Variants in TPGS1 observed in about 807,000 individuals in gnomAD.
The protein encoded by TPGS1 is gene trap ROSA b-geo 22.
TPGS1 carries 18 observed loss-of-function variants against 11.9 expected under a neutral mutation model. The observed-to-expected ratio is 1.51, with a 90% CI of 1.04 to 2.24. TPGS1 has a LOEUF of 2.24. Ranked by LOEUF, TPGS1 falls within the 30% of genes most tolerant of loss-of-function variation. TPGS1 has a pLI of 0.00. For missense variants in TPGS1, 500 were observed against 443.0 expected (o/e 1.13, Z -1.16); for synonymous variants, 247 against 218.2 (o/e 1.13, Z -1.16).
chr19:519,384 C>A lies in TPGS1; in HGVS notation c.834C>A (p.Ala278=), dbSNP rs1185103626. 8.2e-7 allele frequency: 1 copy of A among 1,226,584 alleles called. No homozygotes were observed. The highest frequency in any genetic ancestry group is 3.4e-5 in the East Asian group (1 of 29,474). The allele number at this position is 1,226,584 out of a possible 1,614,324, so 76.0% of individuals were successfully genotyped here. ...CCCGCGAGGAGTTTCTGGAGAGGGC[C>A]GCCGCGCTCTTCATCGCGAAGGTCA... is the stretch of plus-strand genomic sequence containing the variant. ...PMTREEFLER[A]AALFIAKVKP... Residue 278 remains alanine (A), a synonymous_variant, in exon 2 of 2, where the codon GCC becomes GCA. Coordinates refer to ENST00000359315, the MANE Select transcript of TPGS1 (RefSeq NM_033513.3).
At chr19:513,037 G>A (rs562707377) in intron 1 of TPGS1, among the ~76,000 whole-genome samples, 1 of 152,326 alleles carries the variant, frequency 6.6e-6, no homozygotes, top group African/African-American at 2.4e-5. Context: ...CCAGAGCCTC[G>A]CAGCAAAGCC....
intron 1 of TPGS1, among the ~76,000 whole-genome samples, chr19:515,697 C>T (rs1442245941): frequency 6.6e-6 from 1 of 151,050 alleles, no homozygotes; most frequent in Non-Finnish European, 1.5e-5. Context: ...GAGATTGTGC[C>T]ACTGCACTCC....
intron 1 of TPGS1, chr19:510,351 C>T (rs1435319828): frequency 9.9e-5 from 15 of 151,192 alleles, no homozygotes; most frequent in African/African-American, 1.5e-4. Context: ...CCAGCCTGGG[C>T]GACAGAGCGA....
intron 1 of TPGS1, among the ~76,000 whole-genome samples, chr19:515,875 A>G (rs1421115094): frequency 6.6e-6 from 1 of 150,664 alleles, no homozygotes; most frequent in Non-Finnish European, 1.5e-5. Flanking sequence ...TACTAAAAAT[A>G]CAAAAAATTA....
At chr19:510,514 TCCTC>T in intron 1 of TPGS1, 1 of 151,434 alleles carries the variant, frequency 6.6e-6, no homozygotes, top group East Asian at 2.0e-4. Context: ...TCACCCCAGA[TCCTC>T]CCTGGCACCT....
intron 1 of TPGS1, among the ~76,000 whole-genome samples, chr19:518,613 C>G (rs1283922375): frequency 4.1e-5 from 1 of 24,108 alleles, no homozygotes; most frequent in African/African-American, 1.9e-4. Flanking sequence ...AGGAGAGGCC[C>G]GGGCTGGGGA....
intron 1 of TPGS1, among the ~76,000 whole-genome samples, chr19:512,288 C>G (rs1333756211): frequency 1.3e-5 from 2 of 152,314 alleles, no homozygotes; most frequent in African/African-American, 4.8e-5. Flanking sequence ...CTCAGCCTCC[C>G]AAGTACCCGG....
chr19:507,859 G>A lies in TPGS1; in HGVS notation c.338+15G>A, dbSNP rs373464594. 564 of 1,313,844 alleles carry A rather than the reference G, an allele frequency of 4.3e-4. 4 individuals carry two copies. In the South Asian group the frequency reaches 8.4e-3, roughly 20 times the overall value. 81.4% of individuals were successfully genotyped at this position (1,313,844 alleles called of 1,614,324 possible). A position where few individuals can be genotyped will look rare whatever the true frequency, so the allele number is the denominator to read the frequency against. ...CACTCCCAGAGGTGCGCAGTGGGCCGGCTTGGGCGGGTGGGGCAGCGATGG... is the reference window on the plus strand; with the variant it reads ...CACTCCCAGAGGTGCGCAGTGGGCCAGCTTGGGCGGGTGGGGCAGCGATGG... On this transcript the variant is annotated intron_variant, in intron 1 of 1. Transcript: ENST00000359315.
At chr19:515,208 T>A (rs1355641709) in intron 1 of TPGS1, among the ~76,000 whole-genome samples, 1 of 152,152 alleles carries the variant, frequency 6.6e-6, no homozygotes, top group African/African-American at 2.4e-5. Flanking sequence ...TCAGGCTGAC[T>A]GTGGGGCCTT....
intron 1 of TPGS1, among the ~76,000 whole-genome samples, chr19:514,887 G>A (rs879396137): frequency 6.6e-6 from 1 of 152,188 alleles, no homozygotes; most frequent in Non-Finnish European, 1.5e-5. Context: ...GGTGCTCCCT[G>A]GCCACTCCCT....
chr19:511,670 C>T (rs1276804929), intron 1 of TPGS1, among the ~76,000 whole-genome samples: 2 of 152,256 alleles, frequency 1.3e-5, no homozygotes, highest in African/African-American at 2.4e-5. Flanking sequence ...CGCGTGGATG[C>T]TTGCGGAGCT....
At chr19:514,713 C>G (rs1978901075) in intron 1 of TPGS1, among the ~76,000 whole-genome samples, 1 of 152,232 alleles carries the variant, frequency 6.6e-6, no homozygotes, top group Admixed American at 6.5e-5. Flanking sequence ...TCTCTGGGAC[C>G]CTTGGCCAGA....
At chr19:516,049 G>A (rs111482604) in intron 1 of TPGS1, among the ~76,000 whole-genome samples, 18,325 of 130,760 alleles carry the variant, frequency 0.14, 3,195 homozygotes, top group African/African-American at 0.4. Flanking sequence ...AAAAAAAAAG[G>A]AAGAAAGAAA....
At chr19:510,561 G>C (rs1223410347) in intron 1 of TPGS1, among the ~76,000 whole-genome samples, 1 of 152,144 alleles carries the variant, frequency 6.6e-6, no homozygotes, top group East Asian at 1.9e-4. Flanking sequence ...CGGCCGCCAG[G>C]GCTGGTGATG....
chr19:511,376 A>G (rs1978790378), intron 1 of TPGS1, among the ~76,000 whole-genome samples: 1 of 152,228 alleles, frequency 6.6e-6, no homozygotes, highest in Non-Finnish European at 1.5e-5. Flanking sequence ...TGATCTCACC[A>G]GGCTGTAATT....
rs1034684632 is a variant in TPGS1 at position 519,648 on chromosome 19, A to G, written c.*225A>G. The G allele has an allele frequency of 2.5e-5, 7 of 285,094 alleles. No homozygotes were observed. The highest frequency in any genetic ancestry group is 4.4e-5 in the Non-Finnish European group (7 of 157,724). 17.7% of individuals were successfully genotyped at this position (285,094 alleles called of 1,614,324 possible). A position where few individuals can be genotyped will look rare whatever the true frequency, so the allele number is the denominator to read the frequency against. ...CCCCACGCTAATAAAATGTGTTGCG[A>G]GGCTGACGCTGGTGTGTATGCGAGC... On this transcript the variant is annotated 3_prime_UTR_variant, in exon 2 of 2. Coordinates refer to ENST00000359315, the MANE Select transcript of TPGS1 (RefSeq NM_033513.3).
At chr19:514,030 A>G (rs1394206739) in intron 1 of TPGS1, among the ~76,000 whole-genome samples, 1 of 148,856 alleles carries the variant, frequency 6.7e-6, no homozygotes, top group Non-Finnish European at 1.5e-5. Flanking sequence ...CCCACTGTAC[A>G]CAGACCCAGC....
intron 1 of TPGS1, among the ~76,000 whole-genome samples, chr19:515,400 C>CA (rs71333289): frequency 0.24 from 22,481 of 94,822 alleles, 2,478 homozygotes; most frequent in African/African-American, 0.4. Flanking sequence ...GACCCTGTCT[C>CA]AAAAAAAAAA....
At position 507,705 on chromosome 19, in the gene TPGS1, C is replaced by CT. The variant is rs752999542; in HGVS notation, c.200dup (p.Ala68GlyfsTer105). 9.0e-5 allele frequency: 126 copies of CT among 1,397,552 alleles called. No homozygotes were observed. The highest frequency in any genetic ancestry group is 1.2e-4 in the Non-Finnish European group (124 of 1,069,048). 86.6% of individuals were successfully genotyped at this position (1,397,552 alleles called of 1,614,324 possible). ...GCGGCCCGAGGAGCCGATCGCCTTCCTGGCTCACTACTTCGAGAACATGGG... is the reference window on the plus strand; with the variant it reads ...GCGGCCCGAGGAGCCGATCGCCTTCCTTGGCTCACTACTTCGAGAACATGGG... On this transcript the variant is annotated frameshift_variant, in exon 1 of 2. Transcript: ENST00000359315. LOFTEE classifies it high-confidence loss of function.
Sources: allele counts gnomAD v4.1 joint callset (sites outside exome capture counted in the v4.1 genomes callset), GRCh38; gene constraint gnomAD v4.1.1; transcripts MANE v1.5; gene names NCBI Gene and HGNC (gene_info 2026-07-23, HGNC 2026-07-21).